Variants in ZMAT4 observed in about 807,000 individuals in gnomAD.
ZMAT4 encodes zinc finger matrin-type 4, also known as zinc finger matrin-type protein 4.
In ZMAT4, 17 loss-of-function variants were observed where a neutral mutation model predicts 28.7. That is an observed-to-expected ratio of 0.59 (90% CI 0.41 to 0.89). ZMAT4 has a LOEUF of 0.89. Ranked by LOEUF, ZMAT4 falls within the 40% of genes least tolerant of loss-of-function variation. The probability of loss-of-function intolerance (pLI) is 0.00; values close to 1 mark genes in which losing one functional copy is unlikely to be tolerated. For synonymous variants in ZMAT4, 117 were observed against 109.2 expected (o/e 1.07, Z -0.44); for missense variants, 240 against 283.8 (o/e 0.85, Z 1.11).
At chr8:40,584,329 C>A (rs1357026850) in intron 5 of ZMAT4, among the ~76,000 whole-genome samples, 1 of 152,090 alleles carries the variant, frequency 6.6e-6, no homozygotes. Flanking sequence ...AAGCTCCAGG[C>A]AGAACAAAGA....
chr8:40,629,440 T>C (rs553963977), intron 5 of ZMAT4, among the ~76,000 whole-genome samples: 1 of 151,840 alleles, frequency 6.6e-6, no homozygotes, highest in Non-Finnish European at 1.5e-5. Context: ...AGTTTTAGGG[T>C]ACATGTGCAC....
intron 2 of ZMAT4, among the ~76,000 whole-genome samples, chr8:40,790,793 G>A (rs1180884071): frequency 1.3e-5 from 2 of 152,174 alleles, no homozygotes; most frequent in African/African-American, 4.8e-5. Context: ...ATTCTACAAT[G>A]CATTTGAACA....
chr8:40,812,830 G>A (rs1181794828), intron 2 of ZMAT4, among the ~76,000 whole-genome samples: 1 of 152,078 alleles, frequency 6.6e-6, no homozygotes, highest in East Asian at 1.9e-4. Flanking sequence ...TACTCAGGAG[G>A]CTGAGGCAGG....
chr8:40,813,797 AT>A (rs1815423228), intron 2 of ZMAT4, among the ~76,000 whole-genome samples: 1 of 152,258 alleles, frequency 6.6e-6, no homozygotes. Context: ...AGGCAGGGAA[AT>A]TTCCCAAATC....
chr8:40,646,416 T>C (rs1435318847), intron 5 of ZMAT4, among the ~76,000 whole-genome samples: 1 of 152,050 alleles, frequency 6.6e-6, no homozygotes, highest in African/African-American at 2.4e-5. Context: ...AGAATTAATA[T>C]TGTATCACTT....
chr8:40,627,985 C>T (rs1264893466), intron 5 of ZMAT4, among the ~76,000 whole-genome samples: 1 of 152,090 alleles, frequency 6.6e-6, no homozygotes, highest in Non-Finnish European at 1.5e-5. Context: ...AAAGAGACTT[C>T]AAACAAGCTT....
At chr8:40,824,775 AAG>A (rs1815973390) in intron 2 of ZMAT4, among the ~76,000 whole-genome samples, 1 of 151,662 alleles carries the variant, frequency 6.6e-6, no homozygotes, top group Non-Finnish European at 1.5e-5. Flanking sequence ...AAAAGAAAGA[AAG>A]AAAATAAAGA....
In ZMAT4 at chr8:40,602,332, G is replaced by A. The variant is rs1805426885; in HGVS notation, c.578-21071C>T. On this transcript the variant is annotated intron_variant, in intron 5 of 6. Coordinates refer to ENST00000297737, the MANE Select transcript of ZMAT4 (RefSeq NM_024645.3). ...ATTGTGCTACTATAAACATGCATGT[G>A]CAAGAATCTTTTTCGTATAATAACT... 2.0e-5 allele frequency among the ~76,000 whole-genome samples: 3 copies of A among 152,162 alleles called. No homozygotes were observed. In the South Asian group the frequency reaches 6.2e-4, roughly 32 times the overall value.
chr8:40,719,868 A>T (rs4737168), intron 3 of ZMAT4, among the ~76,000 whole-genome samples: 1 of 152,144 alleles, frequency 6.6e-6, no homozygotes, highest in South Asian at 2.1e-4. Flanking sequence ...CACCATGCCC[A>T]GCCCATTCAA....
At chr8:40,883,554 G>A (rs1349935696) in intron 1 of ZMAT4, among the ~76,000 whole-genome samples, 1 of 152,148 alleles carries the variant, frequency 6.6e-6, no homozygotes, top group Non-Finnish European at 1.5e-5. Context: ...CCGTAGGTAA[G>A]TCCCTTCTCT....
chr8:40,654,126 C>T (rs183942813), intron 5 of ZMAT4, among the ~76,000 whole-genome samples: 95 of 152,316 alleles, frequency 6.2e-4, no homozygotes, highest in African/African-American at 2.1e-3. Flanking sequence ...CTGTGCTCAA[C>T]ATCTGCTAGT....
chr8:40,667,533 A>G (rs925387103), intron 5 of ZMAT4, among the ~76,000 whole-genome samples: 1 of 152,172 alleles, frequency 6.6e-6, no homozygotes, highest in South Asian at 2.1e-4. Flanking sequence ...ATGCCATGTG[A>G]TGCTAATCAT....
chr8:40,814,613 C>T (rs183033581), intron 2 of ZMAT4, among the ~76,000 whole-genome samples: 4 of 152,164 alleles, frequency 2.6e-5, no homozygotes, highest in African/African-American at 9.6e-5. Context: ...AAAATCTATG[C>T]CACAATTAAG....
At chr8:40,774,116 G>A (rs1189427507) in intron 2 of ZMAT4, among the ~76,000 whole-genome samples, 1 of 152,056 alleles carries the variant, frequency 6.6e-6, no homozygotes, top group Admixed American at 6.6e-5. Context: ...AAACCACAAA[G>A]TAGGAAAAAT....
At chr8:40,770,375 A>G (rs942444323) in intron 2 of ZMAT4, among the ~76,000 whole-genome samples, 2 of 152,014 alleles carry the variant, frequency 1.3e-5, no homozygotes, top group African/African-American at 4.8e-5. Flanking sequence ...TGGTTGACAA[A>G]GGGAAAGAGG....
intron 3 of ZMAT4, among the ~76,000 whole-genome samples, chr8:40,708,964 A>G (rs1379632664): frequency 2.0e-5 from 3 of 152,018 alleles, no homozygotes; most frequent in African/African-American, 7.2e-5. Flanking sequence ...AAAACAAACT[A>G]TAAATTGAGA....
Position 40,767,745 on chromosome 8 carries a change from C to T in ZMAT4, c.103-15G>A. On this transcript the variant is annotated splice_polypyrimidine_tract_variant and intron_variant, in intron 2 of 6. Coordinates refer to ENST00000297737, the MANE Select transcript of ZMAT4 (RefSeq NM_024645.3). ...TGTTTTCGACTCTGGGAAGGAAAAG[C>T]ATAAGCAGATACTGTAAAAGATAAG... 6.2e-7 allele frequency: 1 copy of T among 1,606,248 alleles called. No homozygotes were observed. The highest frequency in any genetic ancestry group is 8.5e-7 in the Non-Finnish European group (1 of 1,176,542).
chr8:40,836,775 A>C (rs1816507265), intron 1 of ZMAT4, among the ~76,000 whole-genome samples: 1 of 152,208 alleles, frequency 6.6e-6, no homozygotes, highest in African/African-American at 2.4e-5. Flanking sequence ...GGGAGACAGA[A>C]GGGATGAGAG....
rs141174037 is a variant in ZMAT4 at position 40,742,308 on chromosome 8, C to CAT, written c.192+25331_192+25332dup. ...GTAACCCCAATTCTGCCTAAAAAAC[C>CAT]ATATATATATAATATGGAAATATAG... On this transcript the variant is annotated intron_variant, in intron 3 of 6. Transcript: ENST00000297737. Among the ~76,000 whole-genome samples the CAT allele has an allele frequency of 5.7e-3, 853 of 150,324 alleles. 2 individuals are homozygous for CAT. The highest frequency in any genetic ancestry group is 0.019 in the African/African-American group (790 of 41,086).
Sources: allele counts gnomAD v4.1 joint callset (sites outside exome capture counted in the v4.1 genomes callset), GRCh38; gene constraint gnomAD v4.1.1; transcripts MANE v1.5; gene names NCBI Gene and HGNC (gene_info 2026-07-23, HGNC 2026-07-21).